PCDHGA1: variants seen among roughly 807,000 people sequenced by gnomAD.
The protein encoded by PCDHGA1 is protocadherin gamma-A1.
A neutral mutation model predicts 58.0 loss-of-function variants in PCDHGA1; 32 were observed. The observed-to-expected ratio is 0.55, with a 90% confidence interval of 0.42 to 0.74. The LOEUF is 0.74. Among genes scored for constraint, PCDHGA1 ranks in the 30% least tolerant of loss-of-function variants. The pLI, the probability that PCDHGA1 is intolerant of heterozygous loss-of-function variation, is 0.00. For synonymous variants in PCDHGA1, 498 were observed against 501.1 expected (o/e 0.99, Z 0.08); for missense variants, 1,205 against 1,182.3 (o/e 1.02, Z -0.28).
chr5:141,376,550 C>T (rs1772814272), intron 1 of PCDHGA1: 2 of 1,611,946 alleles, frequency 1.2e-6, no homozygotes, highest in African/African-American at 1.3e-5. Context: ...ATCTGATCTT[C>T]CCGCAACCCA....
intron 1 of PCDHGA1, chr5:141,362,564 T>C (rs754336087): frequency 6.2e-7 from 1 of 1,608,408 alleles, no homozygotes; most frequent in South Asian, 1.1e-5. Flanking sequence ...AAGGTGAGCT[T>C]TAATTAATTT....
chr5:141,409,751 C>G lies in PCDHGA1; in HGVS notation c.2421+76646C>G, dbSNP rs774810318. The G allele has an allele frequency of 1.5e-5, 25 of 1,613,000 alleles. No homozygotes were observed. In the Admixed American group the frequency reaches 4.0e-4, roughly 26 times the overall value. The stretch of plus-strand genomic sequence containing the variant: ...CGCGCAGAGCGGGGTGGTGTTCGCG[C>G]AGCGCGCCTTTGATCACGAGCAGCT... On this transcript the variant is annotated intron_variant, in intron 1 of 3. Coordinates refer to ENST00000517417, the MANE Select transcript of PCDHGA1 (RefSeq NM_018912.3).
At chr5:141,376,928 C>G (rs928041482) in intron 1 of PCDHGA1, 1 of 168,908 alleles carries the variant, frequency 5.9e-6, no homozygotes, top group Non-Finnish European at 1.3e-5. Flanking sequence ...ACCTCATGAT[C>G]CACCCGCCTC....
intron 1 of PCDHGA1, chr5:141,352,645 T>G: frequency 6.2e-7 from 1 of 1,605,708 alleles, no homozygotes; most frequent in Non-Finnish European, 8.5e-7. Flanking sequence ...ACAAAATCGC[T>G]TATGACCCTT....
At chr5:141,341,335 G>T in intron 1 of PCDHGA1, 1 of 1,614,214 alleles carries the variant, frequency 6.2e-7, no homozygotes, top group Non-Finnish European at 8.5e-7. Flanking sequence ...GTGAGAAAAA[G>T]GATTTTTTAT....
chr5:141,418,396 A>G lies in PCDHGA1; in HGVS notation c.2422-76411A>G, dbSNP rs139206858. 4.9e-3 allele frequency: 7,975 copies of G among 1,613,844 alleles called. 44 individuals are homozygous for G. The highest frequency in any genetic ancestry group is 9.4e-3 in the Admixed American group (567 of 60,030). On this transcript the variant is annotated intron_variant, in intron 1 of 3. Coordinates refer to ENST00000517417, the MANE Select transcript of PCDHGA1 (RefSeq NM_018912.3). Reference sequence around the variant, plus strand: ...AACTAAGTCCTAACGAGTATTTCTCATTGGTGGAGAAAGACAATCCTGATG... The same window carrying G: ...AACTAAGTCCTAACGAGTATTTCTCGTTGGTGGAGAAAGACAATCCTGATG...
At chr5:141,373,523 C>T (rs2150024723) in intron 1 of PCDHGA1, among the ~76,000 whole-genome samples, 1 of 152,052 alleles carries the variant, frequency 6.6e-6, no homozygotes, top group African/African-American at 2.4e-5. Flanking sequence ...ACTTTGTCTC[C>T]AAAAAAGTGT....
intron 1 of PCDHGA1, chr5:141,393,077 C>T (rs2150506328): frequency 6.2e-7 from 1 of 1,613,710 alleles, no homozygotes; most frequent in Non-Finnish European, 8.5e-7. Flanking sequence ...TCACCGCGGG[C>T]AGGATAGATC....
chr5:141,364,414 CG>C, intron 1 of PCDHGA1: 1 of 1,612,330 alleles, frequency 6.2e-7, no homozygotes, highest in Non-Finnish European at 8.5e-7. Flanking sequence ...AGCCAGGATC[CG>C]GGCAGATCCG....
chr5:141,403,850 G>A lies in PCDHGA1; in HGVS notation c.2421+70745G>A, dbSNP rs368454282. The A allele has an allele frequency of 1.4e-5, 23 of 1,613,634 alleles. No individual in the cohort carries two copies. In the African/African-American group the frequency reaches 3.1e-4, roughly 22 times the overall value. On this transcript the variant is annotated intron_variant, in intron 1 of 3. Coordinates refer to ENST00000517417, the MANE Select transcript of PCDHGA1 (RefSeq NM_018912.3). Reference sequence around the variant, plus strand: ...ATTCCAGCTTAATGAAAATACTGGGGAAATATCAACAGCAAAAAGTCTAGA... The same window carrying A: ...ATTCCAGCTTAATGAAAATACTGGGAAAATATCAACAGCAAAAAGTCTAGA...
intron 1 of PCDHGA1, chr5:141,402,978 T>C (rs746626227): frequency 2.5e-6 from 4 of 1,608,452 alleles, no homozygotes; most frequent in Non-Finnish European, 3.4e-6. Context: ...AAATGCCAGC[T>C]CCGCGGAAGA....
Position 141,489,653 on chromosome 5 carries a change from G to A in PCDHGA1, c.2422-5154G>A, listed in dbSNP as rs752269910. 2.0e-5 allele frequency: 33 copies of A among 1,614,164 alleles called. No individual in the cohort carries two copies. In the East Asian group the frequency reaches 4.9e-4, roughly 24 times the overall value. ...TCTCCTAGCTTTGCCACCCCTGAGC[G>A]AGAGATGCGCATCTCAGAATCAGCA... On this transcript the variant is annotated intron_variant, in intron 1 of 3. Transcript: ENST00000517417. This position sits in a 1 kb window ranked among gnomAD's most constrained non-coding sequence, Gnocchi z 4.5.
In PCDHGA1 at chr5:141,374,048, C is replaced by T. The variant is rs1406796976; in HGVS notation, c.2421+40943C>T. ...AAAGTGATGCAGATCTGTTCTTCCT[C>T]TTCTTAATCCCAGAGAAGTTCCTAA... On this transcript the variant is annotated intron_variant, in intron 1 of 3. Coordinates refer to ENST00000517417, the MANE Select transcript of PCDHGA1 (RefSeq NM_018912.3). The T allele has an allele frequency of 4.8e-6, 7 of 1,471,096 alleles. No homozygotes were observed. In the East Asian group the frequency reaches 1.4e-4, roughly 30 times the overall value. 91.1% of individuals were successfully genotyped at this position (1,471,096 alleles called of 1,614,324 possible).
rs776908106 is a variant in PCDHGA1, at chr5:141,345,473, T to TAGCA, written c.2421+12370_2421+12373dup. The TAGCA allele has an allele frequency of 5.3e-4, 851 of 1,614,028 alleles. 8 individuals are homozygous for TAGCA. The highest frequency in any genetic ancestry group is 1.6e-4 in the Middle Eastern group (1 of 6,062). ...TCTCAGTGACAGCCCAGGACCCAGA[T>TAGCA]AGCAACAACAACGCCCGCATCACTT... On this transcript the variant is annotated intron_variant, in intron 1 of 3. Coordinates refer to ENST00000517417, the MANE Select transcript of PCDHGA1 (RefSeq NM_018912.3).
chr5:141,370,804 T>C lies in PCDHGA1; in HGVS notation c.2421+37699T>C, dbSNP rs565720476. 223 of 1,614,010 alleles carry C rather than the reference T, an allele frequency of 1.4e-4. 3 individuals are homozygous for C. The Middle Eastern group carries it at 3.0e-3, about 21-fold the overall frequency. On this transcript the variant is annotated intron_variant, in intron 1 of 3. Coordinates refer to ENST00000517417, the MANE Select transcript of PCDHGA1 (RefSeq NM_018912.3). ...AACCCACCGACCTTTAGCCAAAATA[T>C]CACTGAGCTGGAAATCAGCGAACTG...
rs368800698 is a variant in PCDHGA1, at chr5:141,405,118, G to A, written c.2421+72013G>A. The A allele has an allele frequency of 1.1e-5, 18 of 1,613,946 alleles. No homozygotes were observed. The East Asian group carries it at 1.8e-4, about 16-fold the overall frequency. ...TCAGGCTGAGGCACTGGCACTCCTCGCATCTGCTGCGGGCTACCAGTGATG... is the reference window on the plus strand; with the variant it reads ...TCAGGCTGAGGCACTGGCACTCCTCACATCTGCTGCGGGCTACCAGTGATG... On this transcript the variant is annotated intron_variant, in intron 1 of 3. Transcript: ENST00000517417.
chr5:141,402,850 T>C (rs1447900346), intron 1 of PCDHGA1: 7 of 1,417,624 alleles, frequency 4.9e-6, no homozygotes, highest in Non-Finnish European at 6.5e-6. Context: ...TCAGCCTCTT[T>C]CTTCTAAGGA....
intron 1 of PCDHGA1, chr5:141,356,930 T>C (rs1448089911): frequency 6.2e-7 from 1 of 1,614,192 alleles, no homozygotes; most frequent in East Asian, 2.2e-5. Flanking sequence ...GGTGTGGAGC[T>C]GGCACCCCGC....
chr5:141,372,721 C>A (rs1769002230), intron 1 of PCDHGA1: 1 of 1,613,832 alleles, frequency 6.2e-7, no homozygotes, highest in South Asian at 1.1e-5. Flanking sequence ...GAAAATGCTG[C>A]ACCACAAGAT....
Sources: gnomAD v4.1 joint callset for allele counts (sites outside exome capture counted in the v4.1 genomes callset) on GRCh38, gnomAD v4.1.1 for gene constraint, Gnocchi (gnomAD v3.1) non-coding constraint, MANE v1.5 for transcripts, NCBI Gene and HGNC (gene_info 2026-07-23, HGNC 2026-07-21) for gene names.